The following ROBO2 variants were observed in gnomAD, a reference collection of about 807,000 sequenced individuals.
ROBO2 encodes the protein roundabout homolog 2.
In ROBO2, 53 loss-of-function variants were observed where a neutral mutation model predicts 160.8. The observed-to-expected ratio is 0.33, with a 90% CI of 0.26 to 0.41. ROBO2 has a LOEUF of 0.41. ROBO2 is among the 10% of genes least tolerant of loss of function. The probability of loss-of-function intolerance (pLI) is 1.00; values close to 1 mark genes in which losing one functional copy is unlikely to be tolerated. For missense variants in ROBO2, 1,577 were observed against 1,722.4 expected (o/e 0.92, Z 1.49); for synonymous variants, 664 against 611.7 (o/e 1.09, Z -1.26).
Position 75,996,766 on chromosome 3 carries a change from A to T in ROBO2, c.109+59164A>T, listed in dbSNP as rs4856001. Among the ~76,000 whole-genome samples the T allele has an allele frequency of 2.6e-3, 210 of 81,562 alleles. 6 individuals are homozygous for T. The highest frequency in any genetic ancestry group is 4.2e-3 in the East Asian group (9 of 2,168). 53.5% of individuals were successfully genotyped at this position (81,562 alleles called of 152,430 possible). On this transcript the variant is annotated intron_variant, in intron 2 of 26. Transcript: ENST00000487694. ...TCAATTCTGATATATGTAAATCATC[A>T]ATTCTGATATATGTAAATCATCAAT...
chr3:77,566,568 C>G (rs1013380262), intron 12 of ROBO2, among the ~76,000 whole-genome samples: 1 of 151,926 alleles, frequency 6.6e-6, no homozygotes, highest in African/African-American at 2.4e-5. Context: ...GCCAGTGAAA[C>G]GTAGAGAGAG....
chr3:77,498,639 A>G (rs1366936348), intron 5 of ROBO2, among the ~76,000 whole-genome samples: 3 of 151,132 alleles, frequency 2.0e-5, no homozygotes, highest in Non-Finnish European at 4.4e-5. Flanking sequence ...GCATTTTTAT[A>G]CAAAGTGGCT....
intron 2 of ROBO2, among the ~76,000 whole-genome samples, chr3:77,464,035 ACTTC>A (rs2082513573): frequency 6.6e-6 from 1 of 152,202 alleles, no homozygotes; most frequent in Admixed American, 6.5e-5. Context: ...TTTATGAACT[ACTTC>A]CTTTACTTTT....
At chr3:77,312,121 AT>A (rs1315194539) in intron 2 of ROBO2, among the ~76,000 whole-genome samples, 1 of 152,094 alleles carries the variant, frequency 6.6e-6, no homozygotes. Context: ...AAATTTTAAA[AT>A]TTTTTAAGTT....
intron 2 of ROBO2, among the ~76,000 whole-genome samples, chr3:76,626,932 C>T (rs1212333447): frequency 2.6e-5 from 4 of 152,034 alleles, no homozygotes; most frequent in African/African-American, 7.2e-5. Flanking sequence ...CCTTGTGGTC[C>T]GCCCGCCTCG....
intron 6 of ROBO2, among the ~76,000 whole-genome samples, chr3:77,528,937 G>A (rs1042752852): frequency 4.6e-5 from 7 of 151,414 alleles, no homozygotes; most frequent in East Asian, 1.9e-4. Flanking sequence ...ATAATTTTAT[G>A]TATCTTTTGA....
intron 2 of ROBO2, among the ~76,000 whole-genome samples, chr3:76,691,454 G>A (rs1308143484): frequency 3.3e-5 from 5 of 151,760 alleles, no homozygotes; most frequent in Middle Eastern, 3.2e-3. Context: ...CATTGGAAAC[G>A]GATCAAAAAT....
chr3:77,598,471 T>C (rs1454628909), intron 19 of ROBO2, among the ~76,000 whole-genome samples: 1 of 145,292 alleles, frequency 6.9e-6, no homozygotes, highest in Admixed American at 7.0e-5. Context: ...AATATATATA[T>C]TTATTTATAT....
intron 16 of ROBO2, among the ~76,000 whole-genome samples, chr3:77,586,003 T>C (rs775741): frequency 0.63 from 95,516 of 151,950 alleles, 30,230 homozygotes; most frequent in Middle Eastern, 0.72. Context: ...GACCATGTAT[T>C]GTTTCATCTA....
intron 2 of ROBO2, among the ~76,000 whole-genome samples, chr3:76,876,545 C>G (rs1302711064): frequency 6.6e-6 from 1 of 151,990 alleles, no homozygotes; most frequent in Non-Finnish European, 1.5e-5. Context: ...CATGGTGGTG[C>G]ATGCCTTTAA....
intron 2 of ROBO2, among the ~76,000 whole-genome samples, chr3:76,821,472 C>T (rs1284236769): frequency 6.6e-6 from 1 of 151,932 alleles, no homozygotes; most frequent in Non-Finnish European, 1.5e-5. Flanking sequence ...AAAATCATAC[C>T]TATCAATTTA....
At chr3:76,012,526 G>C (rs939435309) in intron 2 of ROBO2, among the ~76,000 whole-genome samples, 1 of 151,982 alleles carries the variant, frequency 6.6e-6, no homozygotes, top group African/African-American at 2.4e-5. Context: ...ATGACCTACT[G>C]TATGCAATAT....
At chr3:76,118,948 T>G (rs1320939058) in intron 2 of ROBO2, among the ~76,000 whole-genome samples, 3 of 152,166 alleles carry the variant, frequency 2.0e-5, no homozygotes, top group Non-Finnish European at 4.4e-5. Flanking sequence ...GGGAAAACTT[T>G]ATGTTAGCAA....
At chr3:76,850,516 A>G (rs1251862851) in intron 2 of ROBO2, among the ~76,000 whole-genome samples, 1 of 152,066 alleles carries the variant, frequency 6.6e-6, no homozygotes, top group African/African-American at 2.4e-5. Context: ...TTCCAAACTG[A>G]GATATCTCTG....
At chr3:77,289,421 G>A (rs1479141295) in intron 2 of ROBO2, among the ~76,000 whole-genome samples, 1 of 151,694 alleles carries the variant, frequency 6.6e-6, no homozygotes, top group Non-Finnish European at 1.5e-5. Flanking sequence ...GGACACTGAG[G>A]CTAGATCACC....
chr3:76,422,057 G>A (rs1207893657), intron 2 of ROBO2, among the ~76,000 whole-genome samples: 3 of 152,118 alleles, frequency 2.0e-5, no homozygotes, highest in Admixed American at 6.5e-5. Flanking sequence ...GGGCAAATAA[G>A]CAGGCCCACC....
intron 2 of ROBO2, 37 bp from the exon 3 acceptor site, chr3:77,477,377 C>A: frequency 6.2e-7 from 1 of 1,604,178 alleles, no homozygotes; most frequent in South Asian, 1.1e-5. Flanking sequence ...AAGTTACTGT[C>A]GTTGAGTTTT....
Position 77,247,432 on chromosome 3 carries a change from T to TA in ROBO2, c.388+149099dup, listed in dbSNP as rs1233428348. Reference sequence around the variant, plus strand: ...CGCAAGGACATTAGTCTGAGTGCTTTAAAAAAAGAGCGTGTACTCTACACG... The same window carrying TA: ...CGCAAGGACATTAGTCTGAGTGCTTTAAAAAAAAGAGCGTGTACTCTACACG... On this transcript the variant is annotated intron_variant, in intron 2 of 25. Transcript: ENST00000461745. Among the ~76,000 whole-genome samples, 6 of 152,252 alleles carry TA rather than the reference T, an allele frequency of 3.9e-5. No homozygotes were observed. In the South Asian group the frequency reaches 1.2e-3, roughly 32 times the overall value.
chr3:76,766,947 G>T (rs900801857), intron 2 of ROBO2, among the ~76,000 whole-genome samples: 1 of 151,368 alleles, frequency 6.6e-6, no homozygotes, highest in Admixed American at 6.6e-5. Flanking sequence ...GAAATGGAAG[G>T]ATTTCTACAA....
Sources: allele counts gnomAD v4.1 joint callset (sites outside exome capture counted in the v4.1 genomes callset), GRCh38; gene constraint gnomAD v4.1.1; transcripts MANE v1.5; gene names NCBI Gene and HGNC (gene_info 2026-07-23, HGNC 2026-07-21).